The following BCL7A variants were observed in gnomAD, a reference collection of about 807,000 sequenced individuals.
BCL7A encodes the protein BAF chromatin remodeling complex subunit BCL7A, also known as B-cell CLL/lymphoma 7 protein family member A.
In BCL7A, 11 loss-of-function variants were observed where a neutral mutation model predicts 28.4. The ratio of observed to expected loss-of-function variants is 0.39; its 90% CI spans 0.24 to 0.64. The LOEUF is 0.64. BCL7A is among the 30% of genes least tolerant of loss of function. The pLI is 0.50. For missense variants in BCL7A, 222 were observed against 274.8 expected (o/e 0.81, Z 1.36); for synonymous variants, 123 against 103.3 (o/e 1.19, Z -1.15).
At position 122,028,168 on chromosome 12, in the gene BCL7A, T is replaced by C. The variant is rs1040888951; in HGVS notation, c.93-2532T>C. The stretch of plus-strand genomic sequence containing the variant: ...TGCCTCTGTCCCAGAGTCCCCTCAA[T>C]GTCCACACCTAGAAATACAGTTTCT... On this transcript the variant is annotated intron_variant, in intron 1 of 5. Coordinates refer to ENST00000261822, the MANE Select transcript of BCL7A (RefSeq NM_001024808.3). Among the ~76,000 whole-genome samples, 4 of 152,330 alleles carry C rather than the reference T, an allele frequency of 2.6e-5. No homozygotes were observed. The South Asian group carries it at 8.3e-4, about 32-fold the overall frequency.
At chr12:122,037,124 G>A (rs2135847461) in intron 3 of BCL7A, among the ~76,000 whole-genome samples, 1 of 152,342 alleles carries the variant, frequency 6.6e-6, no homozygotes, top group African/African-American at 2.4e-5. Context: ...CTCGAGGCAA[G>A]GGCTGCCTGG....
rs949510271 is a variant in BCL7A, at chr12:122,059,951, G to T, written c.*788G>T. On this transcript the variant is annotated 3_prime_UTR_variant, in exon 6 of 6. Transcript: ENST00000261822. This position sits in a 1 kb window ranked among gnomAD's most constrained non-coding sequence, Gnocchi z 4.0. ...CAAGCCCACCATGGCCCAGATGGAC[G>T]TGCAAAGCCCTTGGAATTTTCTGGC... is the stretch of plus-strand genomic sequence containing the variant. 3 of 232,784 alleles carry T rather than the reference G, an allele frequency of 1.3e-5. No homozygotes were observed. Among genetic ancestry groups the T allele is most frequent in the African/African-American group, 4.4e-5 (2 of 45,288 alleles). The allele number at this position is 232,784 out of a possible 1,614,324, so 14.4% of individuals were successfully genotyped here.
At position 122,054,828 on chromosome 12, in the gene BCL7A, C is replaced by T; in HGVS notation, c.463C>T (p.Gln155Ter). The T allele has an allele frequency of 6.2e-7, 1 of 1,614,052 alleles. No individual in the cohort carries two copies. The highest frequency in any genetic ancestry group is 8.5e-7 in the Non-Finnish European group (1 of 1,179,956). Residue 155 changes from glutamine to a stop codon, truncating the protein, a stop_gained, in exon 5 of 6, where the codon CAG becomes TAG. Transcript: ENST00000261822. LOFTEE classifies it high-confidence loss of function. ...AGATGCTTCTGATGAGCAGAATTCA[C>T]AGTCCTCGATGGAACATTCGATGAA... ...AEDASDEQNS[Q>*]SSMEHSMNSS...
intron 2 of BCL7A, 24 bp downstream of exon 2, chr12:122,030,805 T>C: frequency 3.7e-6 from 6 of 1,605,982 alleles, no homozygotes; most frequent in Non-Finnish European, 5.1e-6. Context: ...GCTGGTCCCC[T>C]GGGGTGGGCC....
Position 122,059,978 on chromosome 12 carries a change from C to T in BCL7A, c.*815C>T. The T allele has an allele frequency of 4.3e-6, 1 of 233,290 alleles. No homozygotes were observed. Among genetic ancestry groups the T allele is most frequent in the Non-Finnish European group, 8.5e-6 (1 of 117,846 alleles). 14.5% of individuals were successfully genotyped at this position (233,290 alleles called of 1,614,324 possible). ...GCAAAGCCCTTGGAATTTTCTGGCA[C>T]TTCCTCTCTATTGCCCCCACCACCA... is the stretch of plus-strand genomic sequence containing the variant. On this transcript the variant is annotated 3_prime_UTR_variant, in exon 6 of 6. Transcript: ENST00000261822. This position sits in a 1 kb window ranked among gnomAD's most constrained non-coding sequence, Gnocchi z 4.0.
rs1951917013 is a variant in BCL7A at position 122,061,056 on chromosome 12, T to G, written c.*1893T>G. ...GCATCCTGGCGCAGAACCTACCTGA[T>G]GCGGTTCCTCTCCACGCATCTCGAG... On this transcript the variant is annotated 3_prime_UTR_variant, in exon 6 of 6. Coordinates refer to ENST00000261822, the MANE Select transcript of BCL7A (RefSeq NM_001024808.3). 8.8e-6 allele frequency: 2 copies of G among 226,452 alleles called. No individual in the cohort carries two copies. 14.0% of individuals were successfully genotyped at this position (226,452 alleles called of 1,614,324 possible).
At chr12:122,023,578 A>C (rs1883528758) in intron 1 of BCL7A, among the ~76,000 whole-genome samples, 1 of 152,320 alleles carries the variant, frequency 6.6e-6, no homozygotes, top group East Asian at 1.9e-4. Flanking sequence ...CGATGGCCGG[A>C]TGCCCGGCCG....
At chr12:122,024,655 G>A (rs894784403) in intron 1 of BCL7A, among the ~76,000 whole-genome samples, 1 of 151,932 alleles carries the variant, frequency 6.6e-6, no homozygotes, top group African/African-American at 2.4e-5. Context: ...GGGGGGGTGG[G>A]GTTGCCAGGT....
chr12:122,039,076 C>G (rs1486304312), intron 3 of BCL7A, among the ~76,000 whole-genome samples: 1 of 151,894 alleles, frequency 6.6e-6, no homozygotes, highest in Non-Finnish European at 1.5e-5. Context: ...GCGGGCAGAT[C>G]ATGAGGTTGG....
chr12:122,050,993 G>A (rs972760117), intron 4 of BCL7A, among the ~76,000 whole-genome samples: 4 of 152,174 alleles, frequency 2.6e-5, no homozygotes, highest in African/African-American at 7.2e-5. Context: ...GTGTGCAGCC[G>A]CGTTCCTGCT....
chr12:122,031,424 C>G (rs1192421068), intron 2 of BCL7A, among the ~76,000 whole-genome samples: 2 of 152,198 alleles, frequency 1.3e-5, no homozygotes, highest in Non-Finnish European at 2.9e-5. Context: ...ACGTTCTCCC[C>G]ACCTTTGTGG....
intron 1 of BCL7A, among the ~76,000 whole-genome samples, 157 bp from the exon 2 acceptor site, chr12:122,030,543 T>C (rs1565935505): frequency 1.3e-5 from 2 of 152,204 alleles, no homozygotes; most frequent in African/African-American, 4.8e-5. Context: ...AGATGGGTGA[T>C]GTGGCCTGCC....
chr12:122,060,738 G>T lies in BCL7A; in HGVS notation c.*1575G>T. On this transcript the variant is annotated 3_prime_UTR_variant, in exon 6 of 6. Transcript: ENST00000261822. ...TGTGGCTCTTTCTCCTGACCATCAT[G>T]GGAAGTGTCTGCTGGATTCCATTTT... The T allele has an allele frequency of 4.3e-6, 1 of 232,462 alleles. No homozygotes were observed. The highest frequency in any genetic ancestry group is 6.1e-5 in the East Asian group (1 of 16,448). The allele number at this position is 232,462 out of a possible 1,614,324, so 14.4% of individuals were successfully genotyped here. A position where few individuals can be genotyped will look rare whatever the true frequency, so the allele number is the denominator to read the frequency against.
At chr12:122,037,596 T>A (rs1883881632) in intron 3 of BCL7A, among the ~76,000 whole-genome samples, 2 of 152,110 alleles carry the variant, frequency 1.3e-5, no homozygotes, top group African/African-American at 4.8e-5. Context: ...GGCAGGCAAA[T>A]CACAAGGTCA....
At chr12:122,050,352 C>G (rs1565941912) in intron 4 of BCL7A, among the ~76,000 whole-genome samples, 1 of 152,136 alleles carries the variant, frequency 6.6e-6, no homozygotes, top group Non-Finnish European at 1.5e-5. Flanking sequence ...CTCTGGCCTC[C>G]ACCAAAATGT....
At chr12:122,049,303 T>G (rs544675069) in intron 4 of BCL7A, among the ~76,000 whole-genome samples, 24 of 146,034 alleles carry the variant, frequency 1.6e-4, no homozygotes, top group African/African-American at 6.1e-4. Context: ...GAGCTCAAAA[T>G]AGGGAGTGTT....
At chr12:122,022,269 C>G in intron 1 of BCL7A, 86 bp downstream of exon 1, 2 of 794,820 alleles carry the variant, frequency 2.5e-6, no homozygotes, top group African/African-American at 1.9e-5. Context: ...CGCAGCGCCC[C>G]GGCCGCCTGC....
At chr12:122,058,055 G>T (rs1278770156) in intron 5 of BCL7A, among the ~76,000 whole-genome samples, 2 of 151,904 alleles carry the variant, frequency 1.3e-5, no homozygotes, top group Non-Finnish European at 2.9e-5. Context: ...AAATCATCCG[G>T]GCATGGTGGC....
At chr12:122,052,000 G>C (rs1006020655) in intron 4 of BCL7A, among the ~76,000 whole-genome samples, 2 of 146,300 alleles carry the variant, frequency 1.4e-5, no homozygotes, top group Non-Finnish European at 3.0e-5. Context: ...TCAGCCACCC[G>C]AGTAGCTGAG....
Sources: allele counts gnomAD v4.1 joint callset (sites outside exome capture counted in the v4.1 genomes callset), GRCh38; gene constraint gnomAD v4.1.1; non-coding constraint Gnocchi (gnomAD v3.1); transcripts MANE v1.5; gene names NCBI Gene and HGNC (gene_info 2026-07-23, HGNC 2026-07-21).